The following ZNF827 variants were observed in gnomAD, a reference collection of about 807,000 sequenced individuals.
The protein encoded by ZNF827 is zinc finger protein 827.
In ZNF827, 13 loss-of-function variants were observed where a neutral mutation model predicts 102.4. The observed-to-expected ratio is 0.13, with a 90% CI of 0.08 to 0.20. The LOEUF is 0.20. Among genes scored for constraint, ZNF827 ranks in the 10% least tolerant of loss-of-function variants. ZNF827 has a pLI of 1.00. For synonymous variants in ZNF827, 523 were observed against 536.2 expected (o/e 0.98, Z 0.34); for missense variants, 1,103 against 1,344.4 (o/e 0.82, Z 2.81).
intron 1 of ZNF827, among the ~76,000 whole-genome samples, chr4:145,909,831 C>A (rs551787094): frequency 1.3e-5 from 2 of 152,170 alleles, no homozygotes; most frequent in East Asian, 1.9e-4. Flanking sequence ...ATCCCCCACA[C>A]CAGGTCTGCC....
chr4:145,828,526 T>C (rs1415527601), intron 7 of ZNF827, among the ~76,000 whole-genome samples: 2 of 152,152 alleles, frequency 1.3e-5, no homozygotes, highest in Non-Finnish European at 2.9e-5. Context: ...AATTCATAAA[T>C]ATTCAGTAAC....
At chr4:145,773,123 A>G (rs1346674642) in intron 11 of ZNF827, among the ~76,000 whole-genome samples, 6 of 152,196 alleles carry the variant, frequency 3.9e-5, no homozygotes, top group Non-Finnish European at 7.3e-5. Flanking sequence ...AAAAAAGACT[A>G]TCTGAAAAGC....
chr4:145,890,135 C>A (rs1020779008), intron 3 of ZNF827, among the ~76,000 whole-genome samples: 2 of 151,994 alleles, frequency 1.3e-5, no homozygotes. Flanking sequence ...CAAATAAAAT[C>A]ATGAATGCTT....
chr4:145,838,450 C>T (rs1745096272), intron 7 of ZNF827, among the ~76,000 whole-genome samples: 1 of 152,188 alleles, frequency 6.6e-6, no homozygotes, highest in Admixed American at 6.5e-5. Flanking sequence ...AATAAACAGC[C>T]ATGTCGCTCA....
intron 8 of ZNF827, among the ~76,000 whole-genome samples, chr4:145,817,508 A>G (rs1056622936): frequency 1.3e-5 from 2 of 152,180 alleles, no homozygotes; most frequent in Non-Finnish European, 2.9e-5. Flanking sequence ...AAAGGGAAGC[A>G]GGCACATCTT....
chr4:145,777,781 A>T (rs935897374), intron 9 of ZNF827, among the ~76,000 whole-genome samples: 4 of 152,068 alleles, frequency 2.6e-5, no homozygotes, highest in Non-Finnish European at 5.9e-5. Context: ...TCTTTCTCTA[A>T]TTAAAATGTT....
Position 145,884,858 on chromosome 4 carries a change from A to T in ZNF827, c.1747+820T>A, listed in dbSNP as rs1749973038. On this transcript the variant is annotated intron_variant, in intron 4 of 14. Coordinates refer to ENST00000508784, the MANE Select transcript of ZNF827 (RefSeq NM_001306215.2). Reference sequence around the variant, plus strand: ...TCAGGGCAGTTTTTTTAAAAAAAGAATTTTTTTTAAAAATGTGTTTTTAAA... The same window carrying T: ...TCAGGGCAGTTTTTTTAAAAAAAGATTTTTTTTTAAAAATGTGTTTTTAAA... Among the ~76,000 whole-genome samples the T allele has an allele frequency of 3.3e-5, 5 of 152,040 alleles. No homozygotes were observed. The South Asian group carries it at 1.0e-3, about 32-fold the overall frequency.
At chr4:145,852,654 A>G (rs1746650456) in intron 5 of ZNF827, among the ~76,000 whole-genome samples, 1 of 152,150 alleles carries the variant, frequency 6.6e-6, no homozygotes, top group Non-Finnish European at 1.5e-5. Flanking sequence ...GGGGCTGGAT[A>G]ATCTTTGTTG....
chr4:145,850,143 G>T (rs947025248), intron 5 of ZNF827, among the ~76,000 whole-genome samples: 1 of 151,932 alleles, frequency 6.6e-6, no homozygotes, highest in Admixed American at 6.6e-5. Flanking sequence ...CCGAGTAGCT[G>T]GGACTACAGG....
intron 4 of ZNF827, among the ~76,000 whole-genome samples, chr4:145,877,031 C>T (rs1471053689): frequency 1.3e-5 from 2 of 151,884 alleles, no homozygotes; most frequent in African/African-American, 4.8e-5. Context: ...TTTGTGCTCA[C>T]CAAATAGCAA....
chr4:145,785,164 C>T lies in ZNF827; in HGVS notation c.2384-5653G>A, dbSNP rs1365045930. On this transcript the variant is annotated intron_variant, in intron 8 of 14. Transcript: ENST00000508784. ...GAACACAGTGTAAGGAGAACGATCT[C>T]ATCTTAGCAATCCCAAAACAAGGCT... Among the ~76,000 whole-genome samples, 3 of 152,202 alleles carry T rather than the reference C, an allele frequency of 2.0e-5. No individual in the cohort carries two copies. The East Asian group carries it at 5.8e-4, about 29-fold the overall frequency.
At position 145,938,670 on chromosome 4, in the gene ZNF827, G is replaced by C. The variant is rs1037742616; in HGVS notation, c.-263C>G. On this transcript the variant is annotated 5_prime_UTR_variant, in exon 1 of 15. Transcript: ENST00000508784. ...TTGGTCGTGCACCTGGCTTGTCCCC[G>C]AGCGTAATATTCTTCAATGGAAACG... 2.0e-5 allele frequency: 10 copies of C among 506,810 alleles called. No homozygotes were observed. The highest frequency in any genetic ancestry group is 1.4e-4 in the African/African-American group (7 of 50,390). 31.4% of individuals were successfully genotyped at this position (506,810 alleles called of 1,614,324 possible).
At chr4:145,856,486 G>A (rs894214672) in intron 5 of ZNF827, among the ~76,000 whole-genome samples, 1 of 152,076 alleles carries the variant, frequency 6.6e-6, no homozygotes, top group South Asian at 2.1e-4. Context: ...AGAGAGAGGC[G>A]ATGCAAGCCT....
At chr4:145,780,709 A>G (rs1204036761) in intron 8 of ZNF827, among the ~76,000 whole-genome samples, 2 of 152,262 alleles carry the variant, frequency 1.3e-5, no homozygotes, top group Non-Finnish European at 2.9e-5. Context: ...TTCTAAAAGG[A>G]CACTTGAATG....
At chr4:145,936,477 C>T (rs894423126) in intron 1 of ZNF827, among the ~76,000 whole-genome samples, 4 of 152,102 alleles carry the variant, frequency 2.6e-5, no homozygotes, top group African/African-American at 9.6e-5. Flanking sequence ...GAAAAAAGCA[C>T]AACCCAAGCC....
At chr4:145,814,300 T>C (rs1197328473) in intron 8 of ZNF827, among the ~76,000 whole-genome samples, 1 of 152,182 alleles carries the variant, frequency 6.6e-6, no homozygotes, top group Admixed American at 6.5e-5. Context: ...CCACCACCAG[T>C]ACCTGCATGT....
intron 7 of ZNF827, among the ~76,000 whole-genome samples, chr4:145,841,170 G>C (rs550216738): frequency 6.6e-6 from 1 of 152,250 alleles, no homozygotes; most frequent in South Asian, 2.1e-4. Context: ...CCAAGAGAGG[G>C]TTCTTGGCAG....
At chr4:145,929,188 A>G (rs1753636866) in intron 1 of ZNF827, among the ~76,000 whole-genome samples, 2 of 152,142 alleles carry the variant, frequency 1.3e-5, no homozygotes, top group African/African-American at 2.4e-5. Context: ...TTTAAGATTC[A>G]TTGCATGTAT....
At chr4:145,776,918 C>T (rs1006352616) in intron 9 of ZNF827, among the ~76,000 whole-genome samples, 4 of 152,178 alleles carry the variant, frequency 2.6e-5, no homozygotes, top group Admixed American at 2.0e-4. Flanking sequence ...ATTCTGAATT[C>T]GTTTGATTAA....
Sources: gnomAD v4.1 joint callset for allele counts (sites outside exome capture counted in the v4.1 genomes callset) on GRCh38, gnomAD v4.1.1 for gene constraint, MANE v1.5 for transcripts, NCBI Gene and HGNC (gene_info 2026-07-23, HGNC 2026-07-21) for gene names.